Variants in CRIM1 observed in about 807,000 individuals in gnomAD.
CRIM1 encodes the protein cysteine-rich motor neuron 1 protein.
Under a neutral mutation model 116.4 loss-of-function variants are expected in CRIM1, and 32 were observed. The observed-to-expected ratio is 0.27, with a 90% CI of 0.21 to 0.37. CRIM1 has a LOEUF of 0.37. Among genes scored for constraint, CRIM1 ranks in the 10% least tolerant of loss-of-function variants. The pLI is 1.00. For synonymous variants in CRIM1, 590 were observed against 509.2 expected (o/e 1.16, Z -2.13); for missense variants, 1,331 against 1,354.8 (o/e 0.98, Z 0.28).
intron 13 of CRIM1, among the ~76,000 whole-genome samples, chr2:36,527,943 C>T (rs1023951340): frequency 6.6e-6 from 1 of 151,972 alleles, no homozygotes; most frequent in Non-Finnish European, 1.5e-5. Flanking sequence ...ACAGCTCTGT[C>T]ACATTCTAGC....
At chr2:36,484,807 A>G (rs1333470169) in intron 7 of CRIM1, among the ~76,000 whole-genome samples, 1 of 152,230 alleles carries the variant, frequency 6.6e-6, no homozygotes, top group East Asian at 1.9e-4. Context: ...AACTTAGGTA[A>G]TATTTTAAAA....
intron 4 of CRIM1, among the ~76,000 whole-genome samples, chr2:36,443,121 G>GAAC (rs2124942209): frequency 6.6e-6 from 1 of 152,276 alleles, no homozygotes; most frequent in South Asian, 2.1e-4. Context: ...TGTTCAATGT[G>GAAC]ATGAAACATT....
intron 11 of CRIM1, among the ~76,000 whole-genome samples, chr2:36,514,084 T>C (rs538047354): frequency 3.0e-4 from 45 of 152,358 alleles, no homozygotes; most frequent in African/African-American, 1.1e-3. Flanking sequence ...CTCCATTTTA[T>C]TGATAGCATA....
At chr2:36,366,249 T>C (rs189434262) in intron 1 of CRIM1, among the ~76,000 whole-genome samples, 41 of 152,260 alleles carry the variant, frequency 2.7e-4, no homozygotes, top group African/African-American at 8.4e-4. Context: ...ATAGTAGAAA[T>C]TGGATTTTCT....
At chr2:36,522,425 G>A (rs1396523863) in intron 13 of CRIM1, 112 bp downstream of exon 13, 4 of 795,914 alleles carry the variant, frequency 5.0e-6, no homozygotes, top group African/African-American at 3.4e-5. Context: ...TTCCCTGCTT[G>A]ACATGTCACA....
At position 36,511,118 on chromosome 2, in the gene CRIM1, T is replaced by A. The variant is rs1664644459; in HGVS notation, c.1658+979T>A. On this transcript the variant is annotated intron_variant, in intron 9 of 16. Transcript: ENST00000280527. ...CACCATGCCCAACTAATTTTTGTATTTTTTGGAGAGATGGGGTTTCACCAT... is the reference window on the plus strand; with the variant it reads ...CACCATGCCCAACTAATTTTTGTATATTTTGGAGAGATGGGGTTTCACCAT... 2.0e-5 allele frequency among the ~76,000 whole-genome samples: 3 copies of A among 152,076 alleles called. No individual in the cohort carries two copies. The South Asian group carries it at 6.2e-4, about 31-fold the overall frequency.
chr2:36,469,359 C>A lies in CRIM1; in HGVS notation c.991+4704C>A, dbSNP rs908134450. ...TTTGAAATACTTCTGTTTTGGAGCA[C>A]TGTCCCTGTAGCACTCTGCTTCTCA... is the stretch of plus-strand genomic sequence containing the variant. On this transcript the variant is annotated intron_variant, in intron 5 of 16. Coordinates refer to ENST00000280527, the MANE Select transcript of CRIM1 (RefSeq NM_016441.3). Among the ~76,000 whole-genome samples the A allele has an allele frequency of 2.0e-5, 3 of 152,210 alleles. No individual in the cohort carries two copies. In the South Asian group the frequency reaches 6.2e-4, roughly 32 times the overall value.
chr2:36,449,427 G>A (rs568077685), intron 4 of CRIM1, among the ~76,000 whole-genome samples: 1 of 152,242 alleles, frequency 6.6e-6, no homozygotes, highest in East Asian at 1.9e-4. Flanking sequence ...CTTTGTTATT[G>A]TCTGTAAGCA....
intron 2 of CRIM1, among the ~76,000 whole-genome samples, chr2:36,404,798 T>C (rs1266031437): frequency 1.3e-5 from 2 of 152,234 alleles, no homozygotes; most frequent in African/African-American, 2.4e-5. Flanking sequence ...TTTCTTTTCA[T>C]TTTTAAAAGC....
intron 2 of CRIM1, among the ~76,000 whole-genome samples, chr2:36,440,782 A>C (rs1558586751): frequency 6.6e-6 from 1 of 152,354 alleles, no homozygotes; most frequent in East Asian, 1.9e-4. Flanking sequence ...CAGAGTGTGC[A>C]GGTAGAGTTC....
intron 2 of CRIM1, among the ~76,000 whole-genome samples, chr2:36,406,633 C>CCCCAAAA (rs1558548535): frequency 8.5e-6 from 1 of 118,222 alleles, no homozygotes. Context: ...CCCCCCCCCC[C>CCCCAAAA]AAAAAAAAAC....
At chr2:36,363,858 T>A (rs753350265) in intron 1 of CRIM1, among the ~76,000 whole-genome samples, 21 of 152,184 alleles carry the variant, frequency 1.4e-4, no homozygotes, top group Non-Finnish European at 2.9e-4. Context: ...CCATGGGGGC[T>A]ATGGTTCCAA....
At chr2:36,452,787 A>G (rs1572764874) in intron 4 of CRIM1, among the ~76,000 whole-genome samples, 1 of 152,132 alleles carries the variant, frequency 6.6e-6, no homozygotes. Flanking sequence ...AGTGGCTTCC[A>G]GTTTAATCCG....
intron 13 of CRIM1, among the ~76,000 whole-genome samples, chr2:36,536,037 G>A (rs1417234222): frequency 1.3e-5 from 2 of 152,192 alleles, no homozygotes; most frequent in Admixed American, 1.3e-4. Context: ...TAATTGGTAA[G>A]AAGAAAATGT....
chr2:36,363,225 G>A (rs911153383), intron 1 of CRIM1, among the ~76,000 whole-genome samples: 1 of 151,064 alleles, frequency 6.6e-6, no homozygotes, highest in South Asian at 2.1e-4. Flanking sequence ...AAAAGAACTT[G>A]GTTTCTGGGG....
In CRIM1 at chr2:36,479,502, G is replaced by C. The variant is rs550286125; in HGVS notation, c.1180G>C (p.Val394Leu). The change falls in exon 7 of 17, where the codon GTG becomes CTG. Residue 394 changes from valine (V) to leucine (L), a missense_variant. Val to Leu is a conservative substitution (Grantham distance 32, BLOSUM62 1). This residue lies in a region of CRIM1 where 690 missense variants were observed against 676.0 expected (regional missense o/e 1.02). Coordinates refer to ENST00000280527, the MANE Select transcript of CRIM1 (RefSeq NM_016441.3). ...GAACTCATGTTCTCATTTAGATCCA[G>C]TGTATCCTTTTAATAATCCCGCTGG... is the stretch of plus-strand genomic sequence containing the variant. ...GECCPVCEDP[V>L]YPFNNPAGCY... 6.2e-7 allele frequency: 1 copy of C among 1,614,062 alleles called. No individual in the cohort carries two copies. Among genetic ancestry groups the C allele is most frequent in the African/African-American group, 1.3e-5 (1 of 74,934 alleles).
chr2:36,378,071 C>T (rs1045378657), intron 1 of CRIM1, among the ~76,000 whole-genome samples: 13 of 152,160 alleles, frequency 8.5e-5, no homozygotes, highest in African/African-American at 2.7e-4. Flanking sequence ...GAGATATTAA[C>T]GAGACTTTAC....
At chr2:36,430,852 A>G (rs544676871) in intron 2 of CRIM1, among the ~76,000 whole-genome samples, 94 of 152,340 alleles carry the variant, frequency 6.2e-4, no homozygotes, top group South Asian at 2.1e-4. Flanking sequence ...TTACCATTCT[A>G]TGCCATCTTG....
chr2:36,373,430 A>G (rs897115768), intron 1 of CRIM1, among the ~76,000 whole-genome samples: 1 of 152,240 alleles, frequency 6.6e-6, no homozygotes, highest in African/African-American at 2.4e-5. Flanking sequence ...CAGCTGGCTT[A>G]ACCTGAGTCC....
Sources: gnomAD v4.1 joint callset for allele counts (sites outside exome capture counted in the v4.1 genomes callset) on GRCh38, gnomAD v4.1.1 for gene constraint, gnomAD v4.1.1 regional missense constraint, MANE v1.5 for transcripts, NCBI Gene and HGNC (gene_info 2026-07-23, HGNC 2026-07-21) for gene names.